CRTC3: variants seen among roughly 807,000 people sequenced by gnomAD.
The protein encoded by CRTC3 is CREB regulated transcription coactivator 3.
CRTC3 carries 26 observed loss-of-function variants against 74.5 expected under a neutral mutation model. The ratio of observed to expected loss-of-function variants is 0.35; its 90% CI spans 0.26 to 0.48. The LOEUF is 0.48. CRTC3 is among the 20% of genes least tolerant of loss of function. The probability of loss-of-function intolerance (pLI) is 0.99; values close to 1 mark genes in which losing one functional copy is unlikely to be tolerated. For synonymous variants in CRTC3, 377 were observed against 325.8 expected (o/e 1.16, Z -1.69); for missense variants, 760 against 787.3 (o/e 0.97, Z 0.41).
rs192478597 is a variant in CRTC3, at chr15:90,552,843, G to T, written c.231+12706G>T. ...AAGCATCTAACTAAATTCTGATCAT[G>T]TGTAGTCATTCTTCATAGTTTGTGG... is the stretch of plus-strand genomic sequence containing the variant. On this transcript the variant is annotated intron_variant, in intron 2 of 14. Transcript: ENST00000268184. 8.6e-4 allele frequency among the ~76,000 whole-genome samples: 131 copies of T among 152,328 alleles called. 1 individual carries two copies. The East Asian group carries it at 0.019, about 23-fold the overall frequency.
chr15:90,603,632 G>A (rs1319645934), intron 4 of CRTC3, among the ~76,000 whole-genome samples: 3 of 152,184 alleles, frequency 2.0e-5, no homozygotes. Flanking sequence ...TGCTGCATCT[G>A]TTGTGTGCCT....
At chr15:90,613,376 G>T (rs964799402) in intron 6 of CRTC3, among the ~76,000 whole-genome samples, 1 of 152,054 alleles carries the variant, frequency 6.6e-6, no homozygotes, top group Non-Finnish European at 1.5e-5. Context: ...AAGAAATTCT[G>T]TCTTTGTGTG....
chr15:90,549,686 T>A (rs967759231), intron 2 of CRTC3, among the ~76,000 whole-genome samples: 1 of 143,820 alleles, frequency 7.0e-6, no homozygotes, highest in Non-Finnish European at 1.5e-5. Context: ...TATTCACTTA[T>A]TTTATTTTAT....
At chr15:90,627,560 T>G (rs918734421) in intron 10 of CRTC3, among the ~76,000 whole-genome samples, 4 of 152,096 alleles carry the variant, frequency 2.6e-5, no homozygotes, top group Non-Finnish European at 4.4e-5. Flanking sequence ...ACTGGTTGTC[T>G]TCTCAAAAAA....
At chr15:90,593,962 A>G (rs1456646966) in intron 3 of CRTC3, 19 of 450,200 alleles carry the variant, frequency 4.2e-5, no homozygotes, top group East Asian at 6.8e-5. Context: ...GAAAGCATCA[A>G]TAAAGTTCAG....
chr15:90,576,118 A>G (rs1967398036), intron 2 of CRTC3, among the ~76,000 whole-genome samples: 1 of 152,138 alleles, frequency 6.6e-6, no homozygotes, highest in African/African-American at 2.4e-5. Flanking sequence ...TAGAAAGTCA[A>G]AATGGCCAGG....
At chr15:90,638,191 T>G in intron 11 of CRTC3, 1 of 424,276 alleles carries the variant, frequency 2.4e-6, no homozygotes, top group African/African-American at 2.0e-5. Flanking sequence ...TGAAAGGAAA[T>G]TGGTTAAATT....
chr15:90,583,333 C>T (rs1967585990), intron 2 of CRTC3, among the ~76,000 whole-genome samples: 1 of 152,156 alleles, frequency 6.6e-6, no homozygotes, highest in South Asian at 2.1e-4. Context: ...AAAATACAGA[C>T]TAGGAAGGGG....
intron 2 of CRTC3, among the ~76,000 whole-genome samples, chr15:90,548,107 TCGAACTCC>T (rs1167951960): frequency 6.6e-6 from 1 of 152,026 alleles, no homozygotes; most frequent in Non-Finnish European, 1.5e-5. Context: ...CAGGCTGGTC[TCGAACTCC>T]TGAGCTCAAG....
At chr15:90,630,764 T>A (rs1257495298) in intron 11 of CRTC3, among the ~76,000 whole-genome samples, 11 of 8,334 alleles carry the variant, frequency 1.3e-3, no homozygotes, top group Non-Finnish European at 1.8e-3. Flanking sequence ...TCATTTTTTT[T>A]TTTTTTTTTT....
chr15:90,619,350 G>A (rs1470999359), intron 8 of CRTC3, among the ~76,000 whole-genome samples: 5 of 152,232 alleles, frequency 3.3e-5, no homozygotes, highest in African/African-American at 9.6e-5. Flanking sequence ...CCAGCTACTC[G>A]GGAGGCTGAG....
chr15:90,633,999 G>A lies in CRTC3; in HGVS notation c.1267-4447G>A, dbSNP rs192293797. On this transcript the variant is annotated intron_variant, in intron 11 of 14. Coordinates refer to ENST00000268184, the MANE Select transcript of CRTC3 (RefSeq NM_022769.5). ...ATCTTTTATCTCTCAGGTTTTTAGTGGTCTTTTTTTTTCGAATTTATCTTT... is the reference window on the plus strand; with the variant it reads ...ATCTTTTATCTCTCAGGTTTTTAGTAGTCTTTTTTTTTCGAATTTATCTTT... Among the ~76,000 whole-genome samples the A allele has an allele frequency of 3.4e-3, 508 of 147,728 alleles. 1 individual carries two copies. The highest frequency in any genetic ancestry group is 0.01 in the African/African-American group (402 of 40,142).
intron 11 of CRTC3, among the ~76,000 whole-genome samples, chr15:90,634,491 C>G (rs2151095767): frequency 6.6e-6 from 1 of 152,316 alleles, no homozygotes; most frequent in Non-Finnish European, 1.5e-5. Context: ...TAAGGATTTT[C>G]TTAGTAGCCT....
At chr15:90,553,043 T>C (rs1426926587) in intron 2 of CRTC3, among the ~76,000 whole-genome samples, 1 of 152,198 alleles carries the variant, frequency 6.6e-6, no homozygotes, top group Non-Finnish European at 1.5e-5. Flanking sequence ...GGCAGTGACC[T>C]TGGGCTTCTG....
At chr15:90,607,268 A>C in intron 5 of CRTC3, 110 bp from the exon 6 acceptor site, 1 of 674,192 alleles carries the variant, frequency 1.5e-6, no homozygotes, top group Non-Finnish European at 2.6e-6. Flanking sequence ...ATGGTTGATT[A>C]TAAATCAGTT....
At chr15:90,574,748 T>C (rs1319753596) in intron 2 of CRTC3, among the ~76,000 whole-genome samples, 1 of 152,224 alleles carries the variant, frequency 6.6e-6, no homozygotes, top group Non-Finnish European at 1.5e-5. Context: ...GTCTACATAG[T>C]AGAAAAATTA....
chr15:90,614,565 TA>T (rs1968441117), intron 7 of CRTC3, 77 bp downstream of exon 7: 1 of 978,416 alleles, frequency 1.0e-6, no homozygotes, highest in African/African-American at 1.6e-5. Context: ...CCTTTACTAA[TA>T]AATATTCATG....
intron 2 of CRTC3, among the ~76,000 whole-genome samples, chr15:90,579,878 G>C (rs1312073665): frequency 6.6e-6 from 1 of 151,954 alleles, no homozygotes; most frequent in African/African-American, 2.4e-5. Flanking sequence ...CTGACCTCAG[G>C]TGATCCACCC....
At chr15:90,546,109 G>A (rs1007123319) in intron 2 of CRTC3, among the ~76,000 whole-genome samples, 1 of 152,042 alleles carries the variant, frequency 6.6e-6, no homozygotes, top group Admixed American at 6.6e-5. Flanking sequence ...CTATTAATAA[G>A]AGTTCTTCAT....
Sources: gnomAD v4.1 joint callset for allele counts (sites outside exome capture counted in the v4.1 genomes callset) on GRCh38, gnomAD v4.1.1 for gene constraint, MANE v1.5 for transcripts, NCBI Gene and HGNC (gene_info 2026-07-23, HGNC 2026-07-21) for gene names.